Variants in TSPAN33 observed in about 807,000 individuals in gnomAD.
TSPAN33 encodes tetraspanin 33.
A neutral mutation model predicts 34.8 loss-of-function variants in TSPAN33; 27 were observed. That is an observed-to-expected ratio of 0.78 (90% CI 0.57 to 1.07). The LOEUF is 1.07. Among genes scored for constraint, TSPAN33 ranks in the 50% least tolerant of loss-of-function variants. The pLI is 0.00. For missense variants in TSPAN33, 272 were observed against 324.9 expected (o/e 0.84, Z 1.25); for synonymous variants, 119 against 124.2 (o/e 0.96, Z 0.28).
chr7:129,162,809 C>A (rs200099345), intron 3 of TSPAN33, 24 bp from the exon 4 acceptor site: 1 of 1,612,806 alleles, frequency 6.2e-7, no homozygotes, highest in East Asian at 2.2e-5. Context: ...GTCCTAGACG[C>A]CTCTTCTTCC....
intron 1 of TSPAN33, among the ~76,000 whole-genome samples, chr7:129,156,413 A>G (rs979358704): frequency 1.3e-5 from 2 of 152,084 alleles, no homozygotes; most frequent in Non-Finnish European, 2.9e-5. Flanking sequence ...GAAAGTCACT[A>G]TGCACAGTCT....
chr7:129,154,197 T>C (rs533320388), intron 1 of TSPAN33, among the ~76,000 whole-genome samples: 2 of 151,186 alleles, frequency 1.3e-5, no homozygotes. Flanking sequence ...GTGAGTGTCA[T>C]GGCATGTGCC....
rs191686384 is a variant in TSPAN33 at position 129,151,823 on chromosome 7, G to A, written c.102+6741G>A. Among the ~76,000 whole-genome samples, 459 of 152,206 alleles carry A rather than the reference G, an allele frequency of 3.0e-3. 3 individuals carry two copies. The highest frequency in any genetic ancestry group is 0.011 in the African/African-American group (437 of 41,518). ...AACAATTTATTTAGAGTATGCCTGCGTTGTTTTATGAAACGCAGAGACATA... is the reference window on the plus strand; with the variant it reads ...AACAATTTATTTAGAGTATGCCTGCATTGTTTTATGAAACGCAGAGACATA... On this transcript the variant is annotated intron_variant, in intron 1 of 7. Transcript: ENST00000486685.
At position 129,164,505 on chromosome 7, in the gene TSPAN33, A is replaced by G. The variant is rs993124456; in HGVS notation, c.395A>G (p.Asn132Ser). ...GGGAAAGTGAGTGAGATCATCAACA[A>G]TGCCATTGTGCACTACCGAGATGAC... ...ARGKVSEIINNAIVHYRDDLD... is the reference protein window; with the variant it reads ...ARGKVSEIINSAIVHYRDDLD... The change falls in exon 5 of 8, where the codon AAT becomes AGT. Residue 132 changes from asparagine to serine, a missense_variant. Transcript: ENST00000486685. 1 of 1,614,100 alleles carries G rather than the reference A, an allele frequency of 6.2e-7. No homozygotes were observed. Among genetic ancestry groups the G allele is most frequent in the Non-Finnish European group, 8.5e-7 (1 of 1,180,000 alleles).
At position 129,164,564 on chromosome 7, in the gene TSPAN33, A is replaced by G. The variant is rs760302832; in HGVS notation, c.454A>G (p.Lys152Glu). 2 of 1,613,054 alleles carry G rather than the reference A, an allele frequency of 1.2e-6. No homozygotes were observed. Among genetic ancestry groups the G allele is most frequent in the East Asian group, 4.5e-5 (2 of 44,860 alleles). The change falls in exon 5 of 8, where the codon AAA (lysine) becomes GAA (glutamate). Residue 152 changes from lysine to glutamate, a missense_variant. Lys to Glu is a moderately conservative substitution (Grantham distance 56). Transcript: ENST00000486685. ...GCAGAACCTCATTGATTTTGGCCAGAAAAAGGTATGGGTCAGCCAGTGGTC... is the reference window on the plus strand; with the variant it reads ...GCAGAACCTCATTGATTTTGGCCAGGAAAAGGTATGGGTCAGCCAGTGGTC... ...DLQNLIDFGQKKFSCCGGISY... is the reference protein window; with the variant it reads ...DLQNLIDFGQEKFSCCGGISY...
chr7:129,162,140 G>A lies in TSPAN33; in HGVS notation c.161-254G>A, dbSNP rs144000735. On this transcript the variant is annotated intron_variant, in intron 2 of 7. Coordinates refer to ENST00000486685, the MANE Select transcript of TSPAN33 (RefSeq NM_178562.5). ...TGCCATTCCAATTCTTTTGCGGAGC[G>A]AAAGCAGCCCCTCCTTAAGCCCAGG... Among the ~76,000 whole-genome samples the A allele has an allele frequency of 9.8e-5, 15 of 152,354 alleles. 1 individual carries two copies. The highest frequency in any genetic ancestry group is 6.5e-4 in the Admixed American group (10 of 15,306).
At chr7:129,156,779 G>A (rs532758938) in intron 1 of TSPAN33, among the ~76,000 whole-genome samples, 1 of 152,060 alleles carries the variant, frequency 6.6e-6, no homozygotes. Context: ...GGCTCATCTC[G>A]TGCCTTTCCT....
Position 129,167,374 on chromosome 7 carries a change from A to G in TSPAN33, c.589-25A>G, listed in dbSNP as rs769424327. 3.8e-6 allele frequency: 6 copies of G among 1,599,916 alleles called. No homozygotes were observed. Among genetic ancestry groups the G allele is most frequent in the South Asian group, 1.1e-5 (1 of 90,062 alleles). On this transcript the variant is annotated intron_variant, in intron 6 of 7. Transcript: ENST00000486685. The surrounding 1 kb of genome is among the most constrained non-coding windows in gnomAD (Gnocchi z 4.6). The stretch of plus-strand genomic sequence containing the variant: ...AAAAGTTATTGGAATTACAGTCCCA[A>G]TTGGCTTTTCAACTCTTTCCCCAGG...
intron 1 of TSPAN33, among the ~76,000 whole-genome samples, chr7:129,152,768 G>A (rs1810613667): frequency 6.6e-6 from 1 of 151,992 alleles, no homozygotes; most frequent in Admixed American, 6.6e-5. Context: ...AAAACATTCT[G>A]CTAAGTGAAC....
chr7:129,166,933 T>C (rs2150629209), intron 6 of TSPAN33, 27 bp downstream of exon 6: 1 of 1,605,174 alleles, frequency 6.2e-7, no homozygotes, highest in East Asian at 2.2e-5. Context: ...CCTCATTTCC[T>C]CCTAGGCAGC....
At chr7:129,145,901 T>G (rs911055809) in intron 1 of TSPAN33, among the ~76,000 whole-genome samples, 5 of 151,794 alleles carry the variant, frequency 3.3e-5, no homozygotes, top group Non-Finnish European at 7.4e-5. Flanking sequence ...TCCAACCCAG[T>G]GTGATCAGGG....
intron 1 of TSPAN33, among the ~76,000 whole-genome samples, chr7:129,152,944 G>C (rs898228200): frequency 1.3e-5 from 2 of 150,516 alleles, no homozygotes; most frequent in Non-Finnish European, 2.9e-5. Context: ...TGTAACCCCA[G>C]CTACTCGGGA....
At chr7:129,161,271 G>C (rs1366782064) in intron 1 of TSPAN33, among the ~76,000 whole-genome samples, 2 of 152,184 alleles carry the variant, frequency 1.3e-5, no homozygotes, top group Non-Finnish European at 2.9e-5. Context: ...CTAGAGACAA[G>C]CTCTCACTAT....
chr7:129,153,923 C>T (rs1046700588), intron 1 of TSPAN33, among the ~76,000 whole-genome samples: 1 of 151,450 alleles, frequency 6.6e-6, no homozygotes, highest in Non-Finnish European at 1.5e-5. Context: ...TCCTGGGTGA[C>T]AAAGCAAGAC....
intron 1 of TSPAN33, among the ~76,000 whole-genome samples, chr7:129,146,383 A>G (rs1810521438): frequency 6.6e-6 from 1 of 152,196 alleles, no homozygotes; most frequent in Non-Finnish European, 1.5e-5. Context: ...GTAAAACTGG[A>G]AAAAAATTTT....
At chr7:129,163,901 A>C (rs999083068) in intron 4 of TSPAN33, among the ~76,000 whole-genome samples, 5 of 152,082 alleles carry the variant, frequency 3.3e-5, no homozygotes, top group African/African-American at 1.2e-4. Context: ...AGATCGCGCC[A>C]CTACACTCCA....
intron 5 of TSPAN33, 63 bp from the exon 6 acceptor site, chr7:129,166,715 T>C: frequency 3.2e-6 from 5 of 1,578,320 alleles, no homozygotes; most frequent in Non-Finnish European, 4.3e-6. Flanking sequence ...GCTCTGAGAA[T>C]TCCCCTGGTC....
intron 4 of TSPAN33, among the ~76,000 whole-genome samples, chr7:129,163,508 A>G (rs918506644): frequency 3.3e-5 from 5 of 152,124 alleles, no homozygotes; most frequent in Non-Finnish European, 7.4e-5. Context: ...GTTTTGAACA[A>G]TGCTTGCCAT....
intron 1 of TSPAN33, among the ~76,000 whole-genome samples, chr7:129,154,085 A>C (rs1290794692): frequency 1.3e-5 from 2 of 151,938 alleles, no homozygotes; most frequent in Non-Finnish European, 2.9e-5. Context: ...TAATCCCAGC[A>C]CTTTGGGAGA....
Sources: allele counts gnomAD v4.1 joint callset (sites outside exome capture counted in the v4.1 genomes callset), GRCh38; gene constraint gnomAD v4.1.1; non-coding constraint Gnocchi (gnomAD v3.1); transcripts MANE v1.5; gene names NCBI Gene and HGNC (gene_info 2026-07-23, HGNC 2026-07-21).